Variants in CYFIP1 observed in about 807,000 individuals in gnomAD.
CYFIP1 encodes the protein cytoplasmic FMR1-interacting protein 1.
CYFIP1 carries 58 observed loss-of-function variants against 163.5 expected under a neutral mutation model. The observed-to-expected ratio is 0.35, with a 90% CI of 0.29 to 0.44. The LOEUF (loss-of-function observed/expected upper bound fraction) is 0.44. CYFIP1 is among the 20% of genes least tolerant of loss of function. The pLI is 1.00. For synonymous variants in CYFIP1, 663 were observed against 660.7 expected (o/e 1.00, Z -0.05); for missense variants, 1,338 against 1,653.8 (o/e 0.81, Z 3.31).
intron 13 of CYFIP1, 149 bp downstream of exon 13, chr15:22,925,833 C>G: frequency 5.9e-6 from 7 of 1,195,948 alleles, no homozygotes; most frequent in Non-Finnish European, 8.1e-6. Context: ...CTAATGCGTT[C>G]TACTCTGACT....
intron 1 of CYFIP1, among the ~76,000 whole-genome samples, chr15:22,949,797 A>G (rs1016108718): frequency 1.3e-5 from 2 of 152,092 alleles, no homozygotes; most frequent in Non-Finnish European, 2.9e-5. Context: ...CCTCAGCAGA[A>G]TATGAAATGT....
intron 3 of CYFIP1, among the ~76,000 whole-genome samples, chr15:22,945,149 G>A (rs374696535): frequency 2.6e-5 from 4 of 152,298 alleles, no homozygotes; most frequent in Non-Finnish European, 2.9e-5. Context: ...TTCTGCAGGC[G>A]AGAGGGGTGT....
rs546076017 is a variant in CYFIP1, at chr15:22,979,284, C to T, written c.-7+1003G>A. Among the ~76,000 whole-genome samples, 379 of 152,254 alleles carry T rather than the reference C, an allele frequency of 2.5e-3. 2 individuals carry two copies. The highest frequency in any genetic ancestry group is 8.7e-3 in the African/African-American group (362 of 41,540). ...GAAAAGGCAGCATGCGTGGGGCCCCCGCGGGTCCCGGCCTGGCCGGGACTC... is the reference window on the plus strand; with the variant it reads ...GAAAAGGCAGCATGCGTGGGGCCCCTGCGGGTCCCGGCCTGGCCGGGACTC... On this transcript the variant is annotated intron_variant, in intron 1 of 30. Transcript: ENST00000617928.
chr15:22,901,406 C>T (rs913442385), intron 22 of CYFIP1, among the ~76,000 whole-genome samples: 2 of 152,162 alleles, frequency 1.3e-5, no homozygotes, highest in African/African-American at 4.8e-5. Flanking sequence ...ACAGTGGGAA[C>T]ACCTGGCAGC....
rs779801031 is a variant in CYFIP1 at position 22,927,913 on chromosome 15, A to C, written c.1226T>G (p.Met409Arg). The C allele has an allele frequency of 6.2e-7, 1 of 1,604,436 alleles. No homozygotes were observed. Among genetic ancestry groups the C allele is most frequent in the East Asian group, 2.3e-5 (1 of 43,922 alleles). ...QLLSQWSAHV[M>R]EVYSWKLVHP... ...GTCGGGGACGGGGCCTACCACTTCCATCACGTGCGCGCTCCACTGCGACAA... is the reference window on the plus strand; with the variant it reads ...GTCGGGGACGGGGCCTACCACTTCCCTCACGTGCGCGCTCCACTGCGACAA... Residue 409 changes from methionine (M) to arginine (R), a missense_variant, in exon 12 of 31, where the codon ATG (methionine) becomes AGG (arginine). Transcript: ENST00000617928.
intron 1 of CYFIP1, among the ~76,000 whole-genome samples, chr15:22,947,697 C>G (rs963137273): frequency 1.3e-5 from 2 of 152,176 alleles, no homozygotes. Context: ...CCCAGCAGAG[C>G]CTCCCTAAAT....
chr15:22,926,253 G>A lies in CYFIP1; in HGVS notation c.1234-146C>T, dbSNP rs969606651. ...AGTCACACATGAGGGCGCACACACC[G>A]TCCATCTCCACAGATGGGCAAAAGA... On this transcript the variant is annotated intron_variant, in intron 12 of 30. Coordinates refer to ENST00000617928, the MANE Select transcript of CYFIP1 (RefSeq NM_014608.6). The A allele has an allele frequency of 4.6e-5, 54 of 1,183,468 alleles. 1 individual carries two copies. The highest frequency in any genetic ancestry group is 1.4e-4 in the South Asian group (9 of 66,164). 73.3% of individuals were successfully genotyped at this position (1,183,468 alleles called of 1,614,324 possible).
Position 22,917,378 on chromosome 15 carries a change from G to C in CYFIP1, c.1674+410C>G, listed in dbSNP as rs895979627. The C allele has an allele frequency of 4.7e-6, 5 of 1,066,340 alleles. No homozygotes were observed. Among genetic ancestry groups the C allele is most frequent in the Admixed American group, 4.0e-5 (1 of 25,006 alleles). The allele number at this position is 1,066,340 out of a possible 1,614,324, so 66.1% of individuals were successfully genotyped here. ...ACACCAGGAGAGAGGACAGTGGGCA[G>C]CTTAGGACCATGACACACGCAAGCA... On this transcript the variant is annotated intron_variant, in intron 15 of 30. Transcript: ENST00000617928. This position sits in a 1 kb window ranked among gnomAD's most constrained non-coding sequence, Gnocchi z 4.2.
At chr15:22,980,752 A>T (rs1248274660), upstream of CYFIP1, among the ~76,000 whole-genome samples, 3 of 152,080 alleles carry the variant, frequency 2.0e-5, no homozygotes, top group Non-Finnish European at 2.9e-5. Flanking sequence ...GGGGACACCC[A>T]GGACGCCCGT....
chr15:22,899,653 T>C (rs1181956517), intron 22 of CYFIP1, among the ~76,000 whole-genome samples: 2 of 152,168 alleles, frequency 1.3e-5, no homozygotes, highest in Non-Finnish European at 2.9e-5. Flanking sequence ...TTAAACCTCT[T>C]TCTTTTGTAA....
intron 9 of CYFIP1, among the ~76,000 whole-genome samples, chr15:22,934,256 G>A (rs1487881555): frequency 3.5e-4 from 44 of 124,930 alleles, no homozygotes; most frequent in South Asian, 2.6e-4. Flanking sequence ...GCGTGATCTC[G>A]GCTCACTGCA....
Position 22,867,454 on chromosome 15 carries a change from C to T in CYFIP1, c.*2574G>A, listed in dbSNP as rs543155585. 16 of 348,670 alleles carry T rather than the reference C, an allele frequency of 4.6e-5. No individual in the cohort carries two copies. Among genetic ancestry groups the T allele is most frequent in the South Asian group, 3.1e-4 (2 of 6,534 alleles). The allele number at this position is 348,670 out of a possible 1,614,324, so 21.6% of individuals were successfully genotyped here. On this transcript the variant is annotated 3_prime_UTR_variant, in exon 31 of 31. Coordinates refer to ENST00000617928, the MANE Select transcript of CYFIP1 (RefSeq NM_014608.6). ...CAGGTTGAGATGATCACCGTGAATC[C>T]GGCTTCCTCTGAGCATTCGATGGCC...
At chr15:22,919,619 T>C (rs2061109857) in intron 13 of CYFIP1, among the ~76,000 whole-genome samples, 1 of 152,182 alleles carries the variant, frequency 6.6e-6, no homozygotes, top group Non-Finnish European at 1.5e-5. Flanking sequence ...GTCTGACATA[T>C]AAGACACCAA....
chr15:22,889,584 C>T (rs973605203), intron 23 of CYFIP1, among the ~76,000 whole-genome samples: 5 of 152,184 alleles, frequency 3.3e-5, no homozygotes, highest in African/African-American at 7.2e-5. Flanking sequence ...GGACTCGATC[C>T]ATCAGAACCG....
rs1429885349 is a variant in CYFIP1, at chr15:22,870,034, G to T, written c.3756C>A (p.Ser1252Arg). The change falls in exon 31 of 31, where the codon AGC (serine) becomes AGA (arginine). Residue 1252 changes from serine (S) to arginine (R), a missense_variant. Physicochemically the swap from Ser to Arg is moderately radical, Grantham distance 110 (BLOSUM62 -1). This residue lies in a region of CYFIP1 where 306 missense variants were observed against 322.1 expected (regional missense o/e 0.95). Transcript: ENST00000617928. ...FQPPIHQSLA[S>R]S ...CGGAGTGCAGCGCGTGCCCTCAGCT[G>T]CTGGCGAGGGACTGGTGGATGGGCG... 3 of 1,599,642 alleles carry T rather than the reference G, an allele frequency of 1.9e-6. No individual in the cohort carries two copies. The highest frequency in any genetic ancestry group is 1.8e-5 in the Admixed American group (1 of 55,622).
chr15:22,965,811 T>C (rs1020297788), intron 1 of CYFIP1, among the ~76,000 whole-genome samples: 1 of 152,102 alleles, frequency 6.6e-6, no homozygotes, highest in Non-Finnish European at 1.5e-5. Flanking sequence ...CAGGAGTCCA[T>C]GGCTCTGAGA....
At chr15:22,955,058 C>T (rs1215064813) in intron 1 of CYFIP1, among the ~76,000 whole-genome samples, 1 of 152,218 alleles carries the variant, frequency 6.6e-6, no homozygotes, top group Non-Finnish European at 1.5e-5. Context: ...AGATGGGCTT[C>T]AAGGGACCCA....
In CYFIP1 at chr15:22,872,807, A is replaced by C. The variant is rs752935334; in HGVS notation, c.3597+18T>G. 9.3e-6 allele frequency: 15 copies of C among 1,613,000 alleles called. No individual in the cohort carries two copies. The South Asian group carries it at 1.6e-4, about 18-fold the overall frequency. On this transcript the variant is annotated intron_variant, in intron 30 of 30. Coordinates refer to ENST00000617928, the MANE Select transcript of CYFIP1 (RefSeq NM_014608.6). Reference sequence around the variant, plus strand: ...TTGCAAAAGGTCCATAGATGGTGCGAGATTTTCATCCACATACCACATTTT... The same window carrying C: ...TTGCAAAAGGTCCATAGATGGTGCGCGATTTTCATCCACATACCACATTTT...
At chr15:22,970,626 G>T (rs1477604239) in intron 1 of CYFIP1, among the ~76,000 whole-genome samples, 3 of 152,272 alleles carry the variant, frequency 2.0e-5, no homozygotes, top group East Asian at 3.9e-4. Flanking sequence ...AAAGAACCCA[G>T]ACATAAACCT....
Sources: allele counts gnomAD v4.1 joint callset (sites outside exome capture counted in the v4.1 genomes callset), GRCh38; gene constraint gnomAD v4.1.1; regional missense constraint gnomAD v4.1.1; non-coding constraint Gnocchi (gnomAD v3.1); transcripts MANE v1.5; gene names NCBI Gene and HGNC (gene_info 2026-07-23, HGNC 2026-07-21).